Variants in ASIC2 observed in about 807,000 individuals in gnomAD.
ASIC2 encodes acid sensing ion channel subunit 2.
In ASIC2, 25 loss-of-function variants were observed where a neutral mutation model predicts 57.3. The observed-to-expected ratio is 0.44, with a 90% CI of 0.32 to 0.61. The LOEUF (loss-of-function observed/expected upper bound fraction) is 0.61, where lower values mean the gene tolerates loss of function less well. ASIC2 is among the 20% of genes least tolerant of loss of function. The pLI, the probability that ASIC2 is intolerant of heterozygous loss-of-function variation, is 0.06. For synonymous variants in ASIC2, 319 were observed against 307.5 expected, an observed-to-expected ratio of 1.04 and a Z score of -0.39; for missense variants, 641 against 738.1, an observed-to-expected ratio of 0.87 and a Z score of 1.52.
At chr17:33,294,319 C>T (rs73285925), upstream of ASIC2, among the ~76,000 whole-genome samples, 3,545 of 152,142 alleles carry the variant, frequency 0.023, 130 homozygotes, top group African/African-American at 0.081. Flanking sequence ...ACGTGTGTAT[C>T]CTTTGGGGAG....
chr17:33,541,820 G>T lies in ASIC2; in HGVS notation c.556-429753C>A, dbSNP rs561014706. On this transcript the variant is annotated intron_variant, in intron 1 of 9. Transcript: ENST00000359872. The stretch of plus-strand genomic sequence containing the variant: ...TCCAGGTGTGGATCCCAGGTGCTCT[G>T]CTTCCATGCATCCTTCACCTGGTTT... Among the ~76,000 whole-genome samples, 6 of 151,974 alleles carry T rather than the reference G, an allele frequency of 3.9e-5. No individual in the cohort carries two copies. In the East Asian group the frequency reaches 1.2e-3, roughly 30 times the overall value.
chr17:34,009,692 C>T (rs913473243), intron 1 of ASIC2, among the ~76,000 whole-genome samples: 4 of 152,148 alleles, frequency 2.6e-5, no homozygotes, highest in Admixed American at 2.0e-4. Flanking sequence ...GTTTATATTG[C>T]AGCAGGGGGC....
chr17:33,668,272 C>CTTTTTTTTTTT (rs397856474), intron 1 of ASIC2, among the ~76,000 whole-genome samples: 2 of 61,416 alleles, frequency 3.3e-5, no homozygotes, highest in African/African-American at 8.8e-5. Flanking sequence ...ATCAAATGTT[C>CTTTTTTTTTTT]TTTTTTTTTT....
chr17:34,012,647 C>T (rs755962452), intron 1 of ASIC2, among the ~76,000 whole-genome samples: 21 of 152,082 alleles, frequency 1.4e-4, no homozygotes, highest in Non-Finnish European at 2.5e-4. Context: ...AACCCTCATG[C>T]GGCCCAATAT....
intron 1 of ASIC2, among the ~76,000 whole-genome samples, chr17:33,605,583 G>A (rs1334397025): frequency 1.3e-5 from 2 of 152,048 alleles, no homozygotes; most frequent in African/African-American, 4.8e-5. Flanking sequence ...TGCTAAACTG[G>A]TATTCCATGT....
chr17:33,675,265 C>T (rs964731886), intron 1 of ASIC2, among the ~76,000 whole-genome samples: 7 of 152,174 alleles, frequency 4.6e-5, no homozygotes, highest in Admixed American at 4.6e-4. Flanking sequence ...ACACATTGCT[C>T]CTCCAGCTGG....
intron 1 of ASIC2, among the ~76,000 whole-genome samples, chr17:33,384,382 A>T (rs1373758473): frequency 3.3e-5 from 5 of 152,200 alleles, no homozygotes; most frequent in African/African-American, 1.2e-4. Flanking sequence ...AGTGCTGTTC[A>T]CTAGGAGAAT....
At chr17:33,342,083 A>G (rs962127959) in intron 1 of ASIC2, among the ~76,000 whole-genome samples, 14 of 152,228 alleles carry the variant, frequency 9.2e-5, no homozygotes, top group African/African-American at 3.4e-4. Context: ...CTGTGAACAA[A>G]CAGAGATCAA....
At position 33,844,148 on chromosome 17, in the gene ASIC2, G is replaced by A. The variant is rs532297985; in HGVS notation, c.555+311830C>T. 4.6e-5 allele frequency among the ~76,000 whole-genome samples: 7 copies of A among 152,278 alleles called. 1 individual carries two copies. In the South Asian group the frequency reaches 1.2e-3, roughly 27 times the overall value. On this transcript the variant is annotated intron_variant, in intron 1 of 9. Coordinates refer to the ASIC2 transcript ENST00000359872. The stretch of plus-strand genomic sequence containing the variant: ...AGAGTCCTGAGAACTACACAAAAGT[G>A]TGCTGGTAATACAGGTTAATGTATT...
rs958142018 is a variant in ASIC2, at chr17:33,464,723, C to T, written c.556-352656G>A. On this transcript the variant is annotated intron_variant, in intron 1 of 9. Transcript: ENST00000359872. ...TATATATGTATATATATGTATATAA[C>T]ATTATCAAATAAGTGCCTGGAAATT... is the stretch of plus-strand genomic sequence containing the variant. Among the ~76,000 whole-genome samples, 6 of 140,954 alleles carry T rather than the reference C, an allele frequency of 4.3e-5. No homozygotes were observed. The South Asian group carries it at 1.1e-3, about 26-fold the overall frequency. 92.5% of individuals were successfully genotyped at this position (140,954 alleles called of 152,430 possible). A position where few individuals can be genotyped will look rare whatever the true frequency, so the allele number is the denominator to read the frequency against.
chr17:33,847,489 C>T (rs1035758911), intron 1 of ASIC2, among the ~76,000 whole-genome samples: 28 of 152,174 alleles, frequency 1.8e-4, no homozygotes, highest in African/African-American at 6.5e-4. Flanking sequence ...AGGCTCTCTT[C>T]CTGCTCATGG....
intron 1 of ASIC2, among the ~76,000 whole-genome samples, chr17:33,476,239 C>T (rs560407092): frequency 1.8e-3 from 273 of 152,184 alleles, no homozygotes; most frequent in African/African-American, 6.3e-3. Flanking sequence ...CTTAGGAATA[C>T]GTGACCACCA....
intron 1 of ASIC2, among the ~76,000 whole-genome samples, chr17:33,446,550 T>C (rs2347155): frequency 2.0e-5 from 3 of 151,912 alleles, no homozygotes; most frequent in Admixed American, 2.0e-4. Context: ...CTCAGTGCGA[T>C]AGGTTTCAAT....
chr17:33,204,890 TG>T (rs1317033225), intron 1 of ASIC2, among the ~76,000 whole-genome samples: 1 of 151,516 alleles, frequency 6.6e-6, no homozygotes, highest in Non-Finnish European at 1.5e-5. Context: ...CAGAGCCAGA[TG>T]GAGAGACAAA....
chr17:33,477,554 A>G (rs1262976664), intron 1 of ASIC2, among the ~76,000 whole-genome samples: 1 of 152,218 alleles, frequency 6.6e-6, no homozygotes, highest in Non-Finnish European at 1.5e-5. Flanking sequence ...TGCTTTAAAT[A>G]GTGGCTGACT....
At chr17:33,838,962 T>C (rs1026913562) in intron 1 of ASIC2, among the ~76,000 whole-genome samples, 1 of 152,180 alleles carries the variant, frequency 6.6e-6, no homozygotes, top group African/African-American at 2.4e-5. Context: ...CAGTCTAATT[T>C]TGTAGGTGTA....
chr17:34,089,689 G>A (rs897480959), intron 1 of ASIC2, among the ~76,000 whole-genome samples: 13 of 151,944 alleles, frequency 8.6e-5, no homozygotes, highest in Admixed American at 7.9e-4. Context: ...CCCATTTGCT[G>A]CAGAGAAGAT....
At chr17:33,825,099 C>G (rs1213927975) in intron 1 of ASIC2, among the ~76,000 whole-genome samples, 1 of 152,140 alleles carries the variant, frequency 6.6e-6, no homozygotes, top group Admixed American at 6.5e-5. Context: ...CTTGCTATTG[C>G]CATTATGTGA....
intron 1 of ASIC2, among the ~76,000 whole-genome samples, chr17:33,179,167 T>C (rs538806201): frequency 6.6e-6 from 1 of 152,308 alleles, no homozygotes; most frequent in African/African-American, 2.4e-5. Flanking sequence ...AAACACTATG[T>C]AGCCCACCTG....
Sources: allele counts gnomAD v4.1 joint callset (sites outside exome capture counted in the v4.1 genomes callset), GRCh38; gene constraint gnomAD v4.1.1; transcripts MANE v1.5; gene names NCBI Gene and HGNC (gene_info 2026-07-23, HGNC 2026-07-21).